SMYD3: variants seen among roughly 807,000 people sequenced by gnomAD.
SMYD3 encodes the protein histone-lysine N-methyltransferase SMYD3.
Under a neutral mutation model 57.7 loss-of-function variants are expected in SMYD3, and 36 were observed. The observed-to-expected ratio is 0.62, with a 90% CI of 0.48 to 0.82. SMYD3 has a LOEUF of 0.82. Ranked by LOEUF, SMYD3 falls within the 40% of genes least tolerant of loss-of-function variation. The pLI, the probability that SMYD3 is intolerant of heterozygous loss-of-function variation, is 0.00. For synonymous variants in SMYD3, 211 were observed against 195.0 expected (o/e 1.08, Z -0.68); for missense variants, 515 against 538.8 (o/e 0.96, Z 0.44).
chr1:246,404,299 A>G (rs1228185992), intron 1 of SMYD3, among the ~76,000 whole-genome samples: 1 of 152,210 alleles, frequency 6.6e-6, no homozygotes, highest in East Asian at 1.9e-4. Flanking sequence ...ACTGAAGGGA[A>G]CACATTTCCT....
intron 9 of SMYD3, among the ~76,000 whole-genome samples, chr1:245,859,552 T>A (rs1292337676): frequency 6.6e-6 from 1 of 152,154 alleles, no homozygotes; most frequent in Non-Finnish European, 1.5e-5. Context: ...GAGCGTAATT[T>A]TAATCCCTCC....
chr1:246,214,486 C>G (rs2063134813), intron 5 of SMYD3, among the ~76,000 whole-genome samples: 1 of 152,060 alleles, frequency 6.6e-6, no homozygotes, highest in Non-Finnish European at 1.5e-5. Flanking sequence ...TGTTGAAGCT[C>G]ATAGTATCAG....
intron 1 of SMYD3, among the ~76,000 whole-genome samples, chr1:246,396,253 T>C (rs912453464): frequency 2.6e-5 from 4 of 152,234 alleles, no homozygotes; most frequent in Non-Finnish European, 5.9e-5. Flanking sequence ...TACATCAATA[T>C]CCTACTGGTA....
chr1:245,763,099 T>C (rs2045923687), intron 11 of SMYD3, among the ~76,000 whole-genome samples: 1 of 152,156 alleles, frequency 6.6e-6, no homozygotes, highest in South Asian at 2.1e-4. Context: ...CCTGAGCGGG[T>C]GAAACTAACC....
At chr1:245,784,196 A>G (rs1371582287) in intron 10 of SMYD3, among the ~76,000 whole-genome samples, 2 of 152,194 alleles carry the variant, frequency 1.3e-5, no homozygotes, top group East Asian at 3.9e-4. Flanking sequence ...TAATTCTGCG[A>G]TGTTCACTTA....
chr1:245,923,018 C>T (rs1367596835), intron 7 of SMYD3, among the ~76,000 whole-genome samples: 1 of 151,906 alleles, frequency 6.6e-6, no homozygotes, highest in Non-Finnish European at 1.5e-5. Context: ...ATAAATATTC[C>T]CTATCATCAT....
chr1:246,330,121 CT>C (rs1456212406), intron 4 of SMYD3, among the ~76,000 whole-genome samples: 1 of 152,124 alleles, frequency 6.6e-6, no homozygotes, highest in Non-Finnish European at 1.5e-5. Flanking sequence ...TGGAATCCCC[CT>C]GTTCACTAAT....
intron 5 of SMYD3, among the ~76,000 whole-genome samples, chr1:246,026,383 G>C (rs570511691): frequency 6.6e-6 from 1 of 152,190 alleles, no homozygotes; most frequent in Non-Finnish European, 1.5e-5. Flanking sequence ...AAAATTATAA[G>C]TACACCTCAT....
At chr1:246,362,594 G>A (rs1046919986) in intron 1 of SMYD3, among the ~76,000 whole-genome samples, 1 of 152,218 alleles carries the variant, frequency 6.6e-6, no homozygotes, top group African/African-American at 2.4e-5. Context: ...CCAAGTGCCT[G>A]CGATTGCAGG....
At chr1:246,344,993 G>A (rs535272363) in intron 2 of SMYD3, among the ~76,000 whole-genome samples, 281 of 152,298 alleles carry the variant, frequency 1.8e-3, no homozygotes, top group African/African-American at 6.5e-3. Context: ...AAGAGAAAAG[G>A]AGGGAAACAG....
intron 5 of SMYD3, among the ~76,000 whole-genome samples, chr1:245,993,685 G>A (rs1220335267): frequency 6.6e-6 from 1 of 151,964 alleles, no homozygotes; most frequent in Admixed American, 6.5e-5. Context: ...CCATTTACAT[G>A]AGGGACCTAG....
rs559664769 is a variant in SMYD3, at chr1:246,164,572, C to T, written c.531+162629G>A. ...GCTTACATCTTTCCTCTTCCTACAA[C>T]ACATGGACGGGGGCATGTGAGTAAC... On this transcript the variant is annotated intron_variant, in intron 5 of 11. Coordinates refer to ENST00000490107, the MANE Select transcript of SMYD3 (RefSeq NM_001167740.2). Among the ~76,000 whole-genome samples the T allele has an allele frequency of 4.6e-5, 7 of 152,336 alleles. No individual in the cohort carries two copies. The South Asian group carries it at 1.5e-3, about 32-fold the overall frequency.
intron 5 of SMYD3, among the ~76,000 whole-genome samples, chr1:246,021,763 T>C (rs1485516386): frequency 6.6e-6 from 1 of 152,206 alleles, no homozygotes; most frequent in East Asian, 1.9e-4. Flanking sequence ...TTTTTGTTTG[T>C]ATATTTTTAT....
chr1:245,808,662 T>C (rs1452631823), intron 10 of SMYD3, among the ~76,000 whole-genome samples: 2 of 152,150 alleles, frequency 1.3e-5, no homozygotes, highest in African/African-American at 4.8e-5. Context: ...TGTAGTTGTC[T>C]CCATTGAGGC....
At chr1:246,316,264 G>A (rs187812415) in intron 5 of SMYD3, among the ~76,000 whole-genome samples, 29 of 151,912 alleles carry the variant, frequency 1.9e-4, no homozygotes, top group Admixed American at 1.4e-3. Flanking sequence ...GCACATGTCT[G>A]TAGTCTCAGC....
At chr1:245,990,182 G>A (rs559286312) in intron 5 of SMYD3, among the ~76,000 whole-genome samples, 9 of 152,166 alleles carry the variant, frequency 5.9e-5, no homozygotes, top group African/African-American at 9.6e-5. Flanking sequence ...TGATCCTCCC[G>A]CCTCATCGTC....
At chr1:246,433,254 C>G (rs1274224417) in intron 1 of SMYD3, among the ~76,000 whole-genome samples, 1 of 152,154 alleles carries the variant, frequency 6.6e-6, no homozygotes, top group African/African-American at 2.4e-5. Flanking sequence ...TACATCTAAT[C>G]AAAGAGGTAA....
intron 10 of SMYD3, among the ~76,000 whole-genome samples, chr1:245,825,911 A>G (rs566060540): frequency 3.8e-4 from 57 of 149,038 alleles, no homozygotes; most frequent in African/African-American, 1.4e-3. Flanking sequence ...TCACTCTACG[A>G]AAACTCCACG....
Position 245,863,853 on chromosome 1 carries a change from A to G in SMYD3, c.847T>C (p.Trp283Arg), listed in dbSNP as rs1295032064. The change falls in exon 9 of 12, where the codon TGG becomes CGG. Residue 283 changes from tryptophan to arginine, a missense_variant. Physicochemically the swap from Trp to Arg is moderately radical, Grantham distance 101. Transcript: ENST00000490107. The stretch of plus-strand genomic sequence containing the variant: ...TTCAGGGATTCTTGAACTTCCTTCC[A>G]TACTTGCTCATCACCAGTTAGCATA... ...ADMLTGDEQV[W>R]KEVQESLKKI... 1 of 1,614,176 alleles carries G rather than the reference A, an allele frequency of 6.2e-7. No homozygotes were observed. The highest frequency in any genetic ancestry group is 8.5e-7 in the Non-Finnish European group (1 of 1,180,008).
Sources: allele counts gnomAD v4.1 joint callset (sites outside exome capture counted in the v4.1 genomes callset), GRCh38; gene constraint gnomAD v4.1.1; transcripts MANE v1.5; gene names NCBI Gene and HGNC (gene_info 2026-07-23, HGNC 2026-07-21).